The following MTAP variants were observed in gnomAD, a reference collection of about 807,000 sequenced individuals.
MTAP encodes the protein methylthioadenosine phosphorylase, also known as S-methyl-5'-thioadenosine phosphorylase.
A neutral mutation model predicts 33.6 loss-of-function variants in MTAP; 33 were observed. The ratio of observed to expected loss-of-function variants is 0.98; its 90% CI spans 0.74 to 1.31. The LOEUF is 1.31. MTAP is among the 40% of genes most tolerant of loss of function. The pLI, the probability that MTAP is intolerant of heterozygous loss-of-function variation, is 0.00. For missense variants in MTAP, 367 were observed against 360.0 expected, an observed-to-expected ratio of 1.02 and a Z score of -0.16; for synonymous variants, 148 against 125.7, an observed-to-expected ratio of 1.18 and a Z score of -1.19.
At chr9:21,874,046 A>G (rs1220759728) in intron 1 of MTAP, among the ~76,000 whole-genome samples, 1 of 152,200 alleles carries the variant, frequency 6.6e-6, no homozygotes, top group Non-Finnish European at 1.5e-5. Context: ...TGATGTGTTC[A>G]TTAGCTGCTC....
chr9:21,890,857 T>A (rs930574813), intron 1 of MTAP, among the ~76,000 whole-genome samples: 1 of 152,270 alleles, frequency 6.6e-6, no homozygotes, highest in East Asian at 1.9e-4. Context: ...ATTATTTCAG[T>A]TTTCCTGGTA....
intron 1 of MTAP, among the ~76,000 whole-genome samples, chr9:21,881,602 A>T (rs1818011943): frequency 6.6e-6 from 1 of 152,104 alleles, no homozygotes; most frequent in African/African-American, 2.4e-5. Flanking sequence ...TTCAATGATG[A>T]TAGCAAATAA....
At chr9:21,921,435 G>A (rs1414092891) in intron 1 of MTAP, among the ~76,000 whole-genome samples, 2 of 151,574 alleles carry the variant, frequency 1.3e-5, no homozygotes, top group African/African-American at 4.9e-5. Context: ...TACTAAATTT[G>A]GTTTTGTTTT....
At chr9:21,878,361 A>C (rs1826040893) in intron 1 of MTAP, among the ~76,000 whole-genome samples, 1 of 151,960 alleles carries the variant, frequency 6.6e-6, no homozygotes, top group African/African-American at 2.4e-5. Flanking sequence ...TGTTCAGTTT[A>C]GCTCTGATTT....
intron 5 of MTAP, among the ~76,000 whole-genome samples, chr9:21,842,859 A>G (rs1825285652): frequency 6.6e-6 from 1 of 152,036 alleles, no homozygotes; most frequent in African/African-American, 2.4e-5. Context: ...TGGTGAAAGA[A>G]CAACGTCTTT....
intron 5 of MTAP, among the ~76,000 whole-genome samples, chr9:21,847,888 G>T (rs771834929): frequency 1.3e-5 from 2 of 152,180 alleles, no homozygotes; most frequent in Non-Finnish European, 2.9e-5. Flanking sequence ...GCCTCGCCAG[G>T]TGTCTACTGT....
intron 6 of MTAP, chr9:21,856,077 C>T: frequency 2.5e-6 from 2 of 805,336 alleles, no homozygotes; most frequent in Non-Finnish European, 3.0e-6. Flanking sequence ...ATTTTCACCT[C>T]TTTCTCTTTT....
intron 5 of MTAP, among the ~76,000 whole-genome samples, chr9:21,844,314 G>T (rs1476205615): frequency 1.3e-5 from 2 of 152,140 alleles, no homozygotes; most frequent in African/African-American, 4.8e-5. Context: ...CAAAGAACTG[G>T]TACCAATCTT....
intron 1 of MTAP, among the ~76,000 whole-genome samples, chr9:21,891,233 T>C (rs1054097147): frequency 1.3e-5 from 2 of 152,000 alleles, no homozygotes; most frequent in Admixed American, 1.3e-4. Context: ...AAAGCCAAAG[T>C]GTCTTCTTAC....
chr9:21,854,156 G>A (rs1825579526), intron 5 of MTAP, among the ~76,000 whole-genome samples: 1 of 152,170 alleles, frequency 6.6e-6, no homozygotes, highest in Non-Finnish European at 1.5e-5. Context: ...TTCAGATTCT[G>A]TATTTTTAAA....
intron 2 of MTAP, 59 bp downstream of exon 2, chr9:21,815,578 T>C: frequency 8.8e-7 from 1 of 1,132,584 alleles, no homozygotes; most frequent in South Asian, 1.4e-5. Flanking sequence ...CTTGCTGGCT[T>C]GATTTTTGAA....
chr9:21,899,877 A>G (rs981142538), intron 1 of MTAP, among the ~76,000 whole-genome samples: 1 of 152,196 alleles, frequency 6.6e-6, no homozygotes, highest in Non-Finnish European at 1.5e-5. Context: ...ATAAAGCTGC[A>G]CACCTACAAT....
chr9:21,855,072 T>C (rs1030149475), intron 6 of MTAP, among the ~76,000 whole-genome samples: 6 of 152,204 alleles, frequency 3.9e-5, no homozygotes, highest in Non-Finnish European at 7.3e-5. Context: ...CAAGGATCAG[T>C]AGTGAAAATA....
At chr9:21,899,042 AC>A (rs1311918683) in intron 1 of MTAP, among the ~76,000 whole-genome samples, 1 of 152,118 alleles carries the variant, frequency 6.6e-6, no homozygotes, top group Non-Finnish European at 1.5e-5. Context: ...ACCATGGAAT[AC>A]TATGCAGCCA....
downstream of MTAP, among the ~76,000 whole-genome samples, chr9:21,868,307 A>G (rs1195935279): frequency 6.6e-6 from 1 of 152,206 alleles, no homozygotes; most frequent in East Asian, 1.9e-4. Flanking sequence ...TTGGGGCACT[A>G]TATCCAGTTC....
intron 1 of MTAP, among the ~76,000 whole-genome samples, chr9:21,883,378 C>G (rs1818049067): frequency 6.6e-6 from 1 of 152,034 alleles, no homozygotes; most frequent in Non-Finnish European, 1.5e-5. Context: ...TATGACAACT[C>G]CAAGTTTGGG....
At chr9:21,920,768 A>G (rs1200954196) in intron 1 of MTAP, among the ~76,000 whole-genome samples, 1 of 152,200 alleles carries the variant, frequency 6.6e-6, no homozygotes, top group Non-Finnish European at 1.5e-5. Flanking sequence ...GATAAATCCC[A>G]CTTGATCATG....
intron 4 of MTAP, among the ~76,000 whole-genome samples, chr9:21,821,232 G>T (rs1193684603): frequency 6.6e-6 from 1 of 152,156 alleles, no homozygotes; most frequent in Non-Finnish European, 1.5e-5. Context: ...TCCAGTTTTT[G>T]CCCATTCAGT....
In MTAP at chr9:21,837,997, C is replaced by A. The variant is rs1348796866; in HGVS notation, c.437C>A (p.Pro146His). The A allele has an allele frequency of 2.5e-6, 4 of 1,613,630 alleles. No individual in the cohort carries two copies. Among genetic ancestry groups the A allele is most frequent in the Non-Finnish European group, 3.4e-6 (4 of 1,179,610 alleles). The change falls in exon 5 of 8, where the codon CCC becomes CAC. Residue 146 changes from proline (P) to histidine (H), a missense_variant. Physicochemically the swap from Pro to His is moderately conservative, Grantham distance 77 (BLOSUM62 -2). Transcript: ENST00000644715. Reference sequence around the variant, plus strand: ...ATTCCAATGGCTGAGCCGTTTTGCCCCAAAACGAGAGAGGTGTGTAGTCTT... The same window carrying A: ...ATTCCAATGGCTGAGCCGTTTTGCCACAAAACGAGAGAGGTGTGTAGTCTT... Reference protein sequence around the residue: ...CHIPMAEPFCPKTREVLIETA... With the variant: ...CHIPMAEPFCHKTREVLIETA...
Sources: allele counts gnomAD v4.1 joint callset (sites outside exome capture counted in the v4.1 genomes callset), GRCh38; gene constraint gnomAD v4.1.1; transcripts MANE v1.5; gene names NCBI Gene and HGNC (gene_info 2026-07-23, HGNC 2026-07-21).